The following ZBTB34 variants were observed in gnomAD, a reference collection of about 807,000 sequenced individuals.
ZBTB34 encodes zinc finger and BTB domain-containing protein 34.
Under a neutral mutation model 33.4 loss-of-function variants are expected in ZBTB34, and 1 was observed. That is an observed-to-expected ratio of 0.03 (90% CI 0.01 to 0.14). The LOEUF (loss-of-function observed/expected upper bound fraction) is 0.14, where lower values mean the gene tolerates loss of function less well. ZBTB34 is among the 10% of genes least tolerant of loss of function. ZBTB34 has a pLI of 1.00. For synonymous variants in ZBTB34, 283 were observed against 253.5 expected (o/e 1.12, Z -1.11); for missense variants, 406 against 657.2 (o/e 0.62, Z 4.18).
exon 2 of ZBTB34, chr9:126,884,658 C>T (rs1266496532): frequency 1.2e-5 from 2 of 166,996 alleles, no homozygotes; most frequent in African/African-American, 4.8e-5. Context: ...TATAGACCTG[C>T]GTATTTTGTG....
intron 1 of ZBTB34, among the ~76,000 whole-genome samples, chr9:126,872,577 G>T (rs1041471480): frequency 6.6e-6 from 1 of 152,150 alleles, no homozygotes; most frequent in South Asian, 2.1e-4. Context: ...TTGTGCCTAC[G>T]TAAGAGGCTC....
intron 1 of ZBTB34, among the ~76,000 whole-genome samples, chr9:126,873,446 T>C (rs2033307903): frequency 6.6e-6 from 1 of 151,950 alleles, no homozygotes; most frequent in Non-Finnish European, 1.5e-5. Flanking sequence ...GTATTTTTAG[T>C]AGAGACAGGG....
chr9:126,882,282 C>A (rs1001622044), exon 2 of ZBTB34: 3 of 166,906 alleles, frequency 1.8e-5, no homozygotes, highest in Non-Finnish European at 2.9e-5. Context: ...CTTTTTAGGT[C>A]AGTATAGTTG....
chr9:126,885,365 T>G (rs1442761212), exon 2 of ZBTB34: 1 of 167,108 alleles, frequency 6.0e-6, no homozygotes, highest in African/African-American at 2.4e-5. Context: ...AAGTATGCTG[T>G]GAATTCAACC....
At chr9:126,862,078 T>G (rs553959925) in intron 1 of ZBTB34, among the ~76,000 whole-genome samples, 1 of 152,126 alleles carries the variant, frequency 6.6e-6, no homozygotes, top group South Asian at 2.1e-4. Flanking sequence ...GCTGTAGAAT[T>G]AAGAAGGAGA....
At chr9:126,878,986 A>G (rs367655486) in intron 1 of ZBTB34, among the ~76,000 whole-genome samples, 6 of 152,150 alleles carry the variant, frequency 3.9e-5, no homozygotes, top group African/African-American at 1.4e-4. Context: ...AGCCTCCCAA[A>G]GTGCTGGGAT....
At chr9:126,877,420 T>G (rs921279557) in intron 1 of ZBTB34, among the ~76,000 whole-genome samples, 6 of 152,366 alleles carry the variant, frequency 3.9e-5, no homozygotes, top group African/African-American at 1.4e-4. Flanking sequence ...CTAAGTAGTT[T>G]TATTCCATTT....
At chr9:126,863,414 T>C (rs572451945) in intron 1 of ZBTB34, among the ~76,000 whole-genome samples, 9 of 152,322 alleles carry the variant, frequency 5.9e-5, no homozygotes, top group African/African-American at 1.9e-4. Context: ...CTACTGAGTT[T>C]TGGATTTCTG....
intron 1 of ZBTB34, chr9:126,863,717 G>T (rs1482868338): frequency 1.0e-6 from 1 of 985,268 alleles, no homozygotes; most frequent in Non-Finnish European, 1.2e-6. Flanking sequence ...GTCAAGGTGA[G>T]CTTTTCTAAT....
intron 1 of ZBTB34, chr9:126,863,687 A>C: frequency 2.0e-6 from 2 of 985,414 alleles, no homozygotes; most frequent in Non-Finnish European, 2.4e-6. Context: ...TGGCAAGGAA[A>C]ACCTCATGGA....
intron 1 of ZBTB34, among the ~76,000 whole-genome samples, chr9:126,874,940 C>T (rs2033335861): frequency 6.6e-6 from 1 of 152,182 alleles, no homozygotes; most frequent in African/African-American, 2.4e-5. Flanking sequence ...CTGATGGATC[C>T]CTAGTGCCTG....
chr9:126,875,610 G>A (rs913728023), intron 1 of ZBTB34, among the ~76,000 whole-genome samples: 2 of 151,890 alleles, frequency 1.3e-5, no homozygotes, highest in African/African-American at 4.8e-5. Flanking sequence ...ATTGTTGGTT[G>A]CACCTTATTG....
intron 1 of ZBTB34, among the ~76,000 whole-genome samples, chr9:126,869,333 G>A (rs1431865442): frequency 6.6e-6 from 1 of 151,906 alleles, no homozygotes; most frequent in African/African-American, 2.4e-5. Flanking sequence ...GGGAAAGTCA[G>A]CTGCTTGGAT....
exon 2 of ZBTB34, chr9:126,882,839 G>GTAATGTGTAA (rs2033462243): frequency 6.0e-6 from 1 of 167,038 alleles, no homozygotes; most frequent in Admixed American, 6.5e-5. Context: ...CAAGCCCTTT[G>GTAATGTGTAA]TGTGTAATAG....
chr9:126,879,896 A>C lies in ZBTB34; in HGVS notation c.497A>C (p.Glu166Ala). 1 of 1,613,028 alleles carries C rather than the reference A, an allele frequency of 6.2e-7. No individual in the cohort carries two copies. The highest frequency in any genetic ancestry group is 1.6e-4 in the Middle Eastern group (1 of 6,062). ...AGCAGCTTCTTTGCCAACCCAGTGG[A>C]GATCTCTCCTCCATATTGCTCTCAG... The change falls in exon 2 of 2, where the codon GAG becomes GCG. Residue 166 changes from glutamate to alanine, a missense_variant. Transcript: ENST00000319119. This position sits in a 1 kb window ranked among gnomAD's most constrained non-coding sequence, Gnocchi z 6.4.
intron 1 of ZBTB34, among the ~76,000 whole-genome samples, chr9:126,871,366 C>CTTT (rs575246185): frequency 7.3e-6 from 1 of 137,086 alleles, no homozygotes; most frequent in African/African-American, 2.7e-5. Flanking sequence ...GATTTTTTTT[C>CTTT]TTTTTTTTTT....
chr9:126,884,459 TTG>T (rs2119243157), exon 2 of ZBTB34: 1 of 137,590 alleles, frequency 7.3e-6, no homozygotes, highest in South Asian at 3.5e-4. Flanking sequence ...GTGTTTTTTG[TTG>T]TTGTTGTTGT....
chr9:126,874,040 T>TTTTG (rs1400761772), intron 1 of ZBTB34, among the ~76,000 whole-genome samples: 15 of 126,184 alleles, frequency 1.2e-4, no homozygotes, highest in African/African-American at 4.5e-4. Context: ...TATGTTCTTT[T>TTTTG]TTTTTTTTTT....
rs956432235 is a variant in ZBTB34 at position 126,876,372 on chromosome 9, G to A, written c.-10-3018G>A. On this transcript the variant is annotated intron_variant, in intron 1 of 1. Coordinates refer to ENST00000319119, the Ensembl canonical transcript of ZBTB34. ...TTCTAGCCTATTATTTTTGCCTTAC[G>A]CTGAAAGGGCATTTAACTTTTTCTC... Among the ~76,000 whole-genome samples, 5 of 149,306 alleles carry A rather than the reference G, an allele frequency of 3.3e-5. No individual in the cohort carries two copies. The East Asian group carries it at 8.0e-4, about 24-fold the overall frequency.
Sources: gnomAD v4.1 joint callset for allele counts (sites outside exome capture counted in the v4.1 genomes callset) on GRCh38, gnomAD v4.1.1 for gene constraint, Gnocchi (gnomAD v3.1) non-coding constraint, MANE v1.5 for transcripts, NCBI Gene and HGNC (gene_info 2026-07-23, HGNC 2026-07-21) for gene names.